The following FRY variants were observed in gnomAD, a reference collection of about 807,000 sequenced individuals.
The protein encoded by FRY is FRY microtubule binding protein, also known as protein furry homolog.
A neutral mutation model predicts 348.4 loss-of-function variants in FRY; 128 were observed. The observed-to-expected ratio is 0.37, with a 90% CI of 0.32 to 0.43. The LOEUF is 0.43. Ranked by LOEUF, FRY falls within the 20% of genes least tolerant of loss-of-function variation. The probability of loss-of-function intolerance (pLI) is 1.00; values close to 1 mark genes in which losing one functional copy is unlikely to be tolerated. For missense variants in FRY, 2,736 were observed against 3,695.2 expected (o/e 0.74, Z 6.73); for synonymous variants, 1,370 against 1,374.7 (o/e 1.00, Z 0.08).
At chr13:32,170,680 G>C (rs1389876285) in intron 17 of FRY, among the ~76,000 whole-genome samples, 3 of 152,110 alleles carry the variant, frequency 2.0e-5, no homozygotes. Flanking sequence ...GGGACTACAG[G>C]CATGTGCCAC....
chr13:32,047,327 C>T (rs1360459888), intron 1 of FRY, among the ~76,000 whole-genome samples: 1 of 152,146 alleles, frequency 6.6e-6, no homozygotes, highest in Non-Finnish European at 1.5e-5. Flanking sequence ...AGTCTTGGAG[C>T]TTTTTTGTGA....
intron 26 of FRY, among the ~76,000 whole-genome samples, chr13:32,185,530 C>G (rs1395952424): frequency 2.6e-5 from 4 of 152,206 alleles, no homozygotes; most frequent in African/African-American, 7.2e-5. Context: ...TTTCTTCTCT[C>G]TGACTCTACC....
Position 32,265,464 on chromosome 13 carries a change from T to A in FRY, c.7794T>A (p.Arg2598=), listed in dbSNP as rs1887866837. ...ISEGSKAEAV[R]EEEDTTVHED... ...TATTCTTCCAGGCTGAAGCTGTTCG[T>A]GAGGAGGAGGACACCACCGTGCATG... Residue 2598 remains arginine, a synonymous_variant, in exon 54 of 61, where the codon CGT becomes CGA. Coordinates refer to ENST00000542859, the MANE Select transcript of FRY (RefSeq NM_023037.3). The A allele has an allele frequency of 1.2e-6, 2 of 1,614,014 alleles. No individual in the cohort carries two copies. Among genetic ancestry groups the A allele is most frequent in the African/African-American group, 2.7e-5 (2 of 74,914 alleles).
At position 32,186,543 on chromosome 13, in the gene FRY, C is replaced by T. The variant is rs190024238; in HGVS notation, c.3480+123C>T. ...ACAATATCATAGAATAAAATCTAAG[C>T]GCACATACAAAAAAATCACATGGAC... On this transcript the variant is annotated intron_variant, in intron 27 of 60. Coordinates refer to ENST00000542859, the MANE Select transcript of FRY (RefSeq NM_023037.3). 1.8e-4 allele frequency: 130 copies of T among 725,034 alleles called. No homozygotes were observed. In the East Asian group the frequency reaches 2.5e-3, roughly 14 times the overall value. 44.9% of individuals were successfully genotyped at this position (725,034 alleles called of 1,614,324 possible).
intron 1 of FRY, among the ~76,000 whole-genome samples, chr13:32,078,525 CA>C (rs1278750827): frequency 1.3e-5 from 2 of 151,916 alleles, no homozygotes; most frequent in African/African-American, 4.8e-5. Context: ...TCCGTAGAAC[CA>C]AAAAAATAAG....
intron 1 of FRY, among the ~76,000 whole-genome samples, chr13:32,046,019 TC>T (rs1178410407): frequency 6.6e-6 from 1 of 152,108 alleles, no homozygotes; most frequent in Non-Finnish European, 1.5e-5. Context: ...ACTCAACAAT[TC>T]TCAAGTGTCC....
At chr13:32,226,532 T>C (rs1441643936) in intron 39 of FRY, among the ~76,000 whole-genome samples, 3 of 152,268 alleles carry the variant, frequency 2.0e-5, no homozygotes, top group Admixed American at 2.0e-4. Context: ...AAGAAATTAC[T>C]CTGCCATGTC....
At chr13:32,201,015 C>G (rs545987134) in intron 29 of FRY, among the ~76,000 whole-genome samples, 1 of 152,280 alleles carries the variant, frequency 6.6e-6, no homozygotes, top group South Asian at 2.1e-4. Context: ...CCGTGGCCCC[C>G]CTCCCCAGGG....
intron 1 of FRY, among the ~76,000 whole-genome samples, chr13:32,049,878 G>C (rs1302904310): frequency 6.6e-6 from 1 of 152,076 alleles, no homozygotes; most frequent in Admixed American, 6.5e-5. Context: ...GCTCAAGCAA[G>C]CTGCTTTAAA....
Position 32,294,420 on chromosome 13 carries a change from C to T in FRY, c.8633C>T (p.Ala2878Val). ...GACCTAAAGAAACACCTGAAGGAAG[C>T]CAGTGCAGTCATTGCAGCTGACCCT... ...LSDLKKHLKE[A>V]SAVIAADPLY... Residue 2878 changes from alanine to valine, a missense_variant, in exon 60 of 61, where the codon GCC becomes GTC. Ala to Val is a moderately conservative substitution (Grantham distance 64, BLOSUM62 0). Coordinates refer to ENST00000542859, the MANE Select transcript of FRY (RefSeq NM_023037.3). 6.2e-7 allele frequency: 1 copy of T among 1,613,894 alleles called. No individual in the cohort carries two copies.
chr13:32,196,749 G>A (rs928558733), intron 29 of FRY, among the ~76,000 whole-genome samples: 1 of 152,246 alleles, frequency 6.6e-6, no homozygotes, highest in South Asian at 2.1e-4. Context: ...AGAACTGGCA[G>A]TATTAATTTT....
At chr13:32,097,458 T>G (rs1876818909) in intron 2 of FRY, among the ~76,000 whole-genome samples, 1 of 151,264 alleles carries the variant, frequency 6.6e-6, no homozygotes, top group African/African-American at 2.4e-5. Context: ...ACCTCCTGGT[T>G]CAAGCGATTC....
chr13:32,122,078 C>G (rs1430589549), intron 4 of FRY, among the ~76,000 whole-genome samples: 1 of 152,124 alleles, frequency 6.6e-6, no homozygotes, highest in African/African-American at 2.4e-5. Flanking sequence ...TGTCGAAGAT[C>G]AGTTAGCTGT....
chr13:32,240,668 A>G (rs1404062951), intron 46 of FRY, among the ~76,000 whole-genome samples: 1 of 152,200 alleles, frequency 6.6e-6, no homozygotes, highest in Non-Finnish European at 1.5e-5. Context: ...TTTATTACAC[A>G]AGGTCATGAA....
chr13:32,153,288 A>C (rs1351856717), intron 14 of FRY, among the ~76,000 whole-genome samples: 1 of 152,172 alleles, frequency 6.6e-6, no homozygotes, highest in East Asian at 1.9e-4. Context: ...AAAATAAAAA[A>C]GCAACTCATG....
intron 36 of FRY, among the ~76,000 whole-genome samples, chr13:32,223,473 A>T (rs182804158): frequency 1.2e-4 from 19 of 152,298 alleles, no homozygotes; most frequent in Admixed American, 1.0e-3. Flanking sequence ...CATACTCACC[A>T]AATGAAATCA....
At chr13:32,240,019 C>A in intron 46 of FRY, 138 bp downstream of exon 46, 3 of 685,476 alleles carry the variant, frequency 4.4e-6, no homozygotes, top group East Asian at 2.7e-5. Context: ...CCATTCCCTG[C>A]CAGAGGTAAG....
intron 50 of FRY, among the ~76,000 whole-genome samples, chr13:32,252,805 G>A (rs1390412654): frequency 1.3e-5 from 2 of 151,990 alleles, no homozygotes; most frequent in Non-Finnish European, 2.9e-5. Flanking sequence ...TATCGTCTGG[G>A]AAAGCACCCC....
In FRY at chr13:32,101,975, A is replaced by T. The variant is rs773072392; in HGVS notation, c.283A>T (p.Thr95Ser). 2.0e-6 allele frequency: 3 copies of T among 1,518,292 alleles called. No homozygotes were observed. In the South Asian group the frequency reaches 3.4e-5, roughly 17 times the overall value. The allele number at this position is 1,518,292 out of a possible 1,614,324, so 94.1% of individuals were successfully genotyped here. A position where few individuals can be genotyped will look rare whatever the true frequency, so the allele number is the denominator to read the frequency against. ...IMAEPLEKPL[T>S]KSLQRGEDPQ... ...TTTTTCTTTCTAGGAAAAGCCATTGACAAAATCTCTGCAACGTGGAGAAGA... is the reference window on the plus strand; with the variant it reads ...TTTTTCTTTCTAGGAAAAGCCATTGTCAAAATCTCTGCAACGTGGAGAAGA... Residue 95 changes from threonine to serine, a missense_variant, in exon 3 of 61, where the codon ACA (threonine) becomes TCA (serine). Thr to Ser is a moderately conservative substitution (Grantham distance 58). Around this residue, in one of 9 missense-constraint regions of FRY, gnomAD observed 309 missense variants for 418.1 expected, o/e 0.74. Transcript: ENST00000542859.
Sources: gnomAD v4.1 joint callset for allele counts (sites outside exome capture counted in the v4.1 genomes callset) on GRCh38, gnomAD v4.1.1 for gene constraint, gnomAD v4.1.1 regional missense constraint, MANE v1.5 for transcripts, NCBI Gene and HGNC (gene_info 2026-07-23, HGNC 2026-07-21) for gene names.